The following IGSF1 variants were observed in gnomAD, a reference collection of about 807,000 sequenced individuals.
IGSF1 encodes immunoglobulin-like domain-containing protein 1.
IGSF1 carries 40 observed loss-of-function variants against 95.3 expected under a neutral mutation model. That is an observed-to-expected ratio of 0.42 (90% CI 0.33 to 0.55). The LOEUF (loss-of-function observed/expected upper bound fraction) is 0.55, where lower values mean the gene tolerates loss of function less well. Among genes scored for constraint, IGSF1 ranks in the 20% least tolerant of loss-of-function variants. IGSF1 has a pLI of 0.10. For synonymous variants in IGSF1, 372 were observed against 382.9 expected (o/e 0.97, Z 0.33); for missense variants, 906 against 1,025.4 (o/e 0.88, Z 1.59).
chrX:131,280,483 T>C (rs1291393063), intron 9 of IGSF1, among the ~76,000 whole-genome samples: 3 of 112,041 alleles, frequency 2.7e-5, no homozygotes, highest in Non-Finnish European at 5.6e-5. Context: ...CTAACATCCC[T>C]ACTGGGTCAG....
chrX:131,280,662 G>A (rs187602834), intron 9 of IGSF1, among the ~76,000 whole-genome samples: 61 of 112,056 alleles, frequency 5.4e-4, no homozygotes, highest in African/African-American at 1.5e-3. Context: ...CTGTTGCCCC[G>A]TCCAATATCA....
intron 3 of IGSF1, 21 bp downstream of exon 3, chrX:131,286,416 G>A (rs1034750816): frequency 1.7e-6 from 2 of 1,175,238 alleles, no homozygotes; most frequent in African/African-American, 3.5e-5. Flanking sequence ...GGAGGTGCCT[G>A]AGAGGGCAGG....
Position 131,276,921 on chromosome X carries a change from G to A in IGSF1, c.2608+18C>T, listed in dbSNP as rs1402413601. On this transcript the variant is annotated intron_variant, in intron 14 of 19. Coordinates refer to ENST00000361420, the MANE Select transcript of IGSF1 (RefSeq NM_001555.5). ...CCCAGGGTTGGCACCACCTCTACCT[G>A]GAGTCCCCCCTCCTAACCTGTCACC... 8.3e-7 allele frequency: 1 copy of A among 1,200,267 alleles called. No homozygotes were observed. Among genetic ancestry groups the A allele is most frequent in the African/African-American group, 1.8e-5 (1 of 56,783 alleles).
Position 131,275,717 on chromosome X carries a change from G to A in IGSF1, c.2945C>T (p.Pro982Leu). Residue 982 changes from proline to leucine, a missense_variant, in exon 16 of 20, where the codon CCC becomes CTC. Physicochemically the swap from Pro to Leu is moderately conservative, Grantham distance 98 (BLOSUM62 -3). Around this residue, in one of 5 missense-constraint regions of IGSF1, gnomAD observed 411 missense variants for 494.9 expected, o/e 0.83. Transcript: ENST00000361420. ...CCAGAGAGTAACATTCTGCCCCATG[G>A]GAACCACAGAACTGGGCTCAGCAAA... is the stretch of plus-strand genomic sequence containing the variant. ...WLFAEPSSVV[P>L]MGQNVTLWCR... is the part of the protein sequence containing the mutation. 1.7e-6 allele frequency: 2 copies of A among 1,211,521 alleles called. No individual in the cohort carries two copies. The highest frequency in any genetic ancestry group is 2.2e-6 in the Non-Finnish European group (2 of 895,195).
At chrX:131,274,550 G>C in intron 18 of IGSF1, 49 bp downstream of exon 18, 11 of 1,154,343 alleles carry the variant, frequency 9.5e-6, no homozygotes, top group Non-Finnish European at 1.3e-5. Context: ...GACTGTCCCT[G>C]GGATCCCAGG....
chrX:131,277,425 C>A, intron 13 of IGSF1, 199 bp from the exon 14 acceptor site: 1 of 428,831 alleles, frequency 2.3e-6, no homozygotes, highest in Non-Finnish European at 4.0e-6. Context: ...AACCCCACCC[C>A]TCACTACCTC....
In IGSF1 at chrX:131,281,911, G is replaced by C. The variant is rs372021690; in HGVS notation, c.1280C>G (p.Pro427Arg). Reference sequence around the variant, plus strand: ...CTTTCCTAGCTTGAACACAGTGCTTGGCCAAGCTGACAGGGAGGGTTTGGG... The same window carrying C: ...CTTTCCTAGCTTGAACACAGTGCTTCGCCAAGCTGACAGGGAGGGTTTGGG... ...KPPKPSLSAWPSTVFKLGKAI... is the reference protein window; with the variant it reads ...KPPKPSLSAWRSTVFKLGKAI... The change falls in exon 8 of 20, where the codon CCA becomes CGA. Residue 427 changes from proline (P) to arginine (R), a missense_variant. Around this residue, in one of 5 missense-constraint regions of IGSF1, gnomAD observed 442 missense variants for 448.1 expected, o/e 0.99. Transcript: ENST00000361420. 7.5e-5 allele frequency: 90 copies of C among 1,206,519 alleles called. No homozygotes were observed. The highest frequency in any genetic ancestry group is 4.6e-4 in the Middle Eastern group (2 of 4,358).
At position 131,275,197 on chromosome X, in the gene IGSF1, G is replaced by A; in HGVS notation, c.3274C>T (p.Pro1092Ser). 8.3e-7 allele frequency: 1 copy of A among 1,211,480 alleles called. No individual in the cohort carries two copies. Among genetic ancestry groups the A allele is most frequent in the East Asian group, 3.0e-5 (1 of 33,832 alleles). The change falls in exon 17 of 20, where the codon CCA becomes TCA. Residue 1092 changes from proline (P) to serine (S), a missense_variant. Pro to Ser is a moderately conservative substitution (Grantham distance 74). This residue lies in a region of IGSF1 where 411 missense variants were observed against 494.9 expected (regional missense o/e 0.83). Coordinates refer to ENST00000361420, the MANE Select transcript of IGSF1 (RefSeq NM_001555.5). ...TTCAACAGGACAAATGTTGAGTCTG[G>A]CAGTTCCCCTTGACACTGAAGAGTC... Reference protein sequence around the residue: ...NMTLQCQGELPDSTFVLLKEG... With the variant: ...NMTLQCQGELSDSTFVLLKEG...
rs2080621448 is a variant in IGSF1 at position 131,285,427 on chromosome X, G to A, written c.419C>T (p.Thr140Ile). 1.7e-6 allele frequency: 2 copies of A among 1,205,855 alleles called. No homozygotes were observed. The highest frequency in any genetic ancestry group is 1.1e-6 in the Non-Finnish European group (1 of 892,295). The change falls in exon 5 of 20, where the codon ACC becomes ATC. Residue 140 changes from threonine to isoleucine, a missense_variant. Thr to Ile is a moderately conservative substitution (Grantham distance 89). Transcript: ENST00000361420. The part of the protein sequence containing the change: ...PKPIFWIQAE[T>I]PALPGCNVNI... ...AACATTACACCCAGGAAGAGCGGGG[G>A]TCTCAGCCTGAATCCAGAAGATGGG... is the stretch of plus-strand genomic sequence containing the variant.
At chrX:131,276,347 T>C (rs2080474229) in intron 14 of IGSF1, 99 bp from the exon 15 acceptor site, 1 of 695,974 alleles carries the variant, frequency 1.4e-6, no homozygotes, top group African/African-American at 2.3e-5. Context: ...ATGTTTGTTG[T>C]TAAAAATTAG....
At chrX:131,279,055 G>GC in intron 11 of IGSF1, 88 bp downstream of exon 11, 1 of 980,007 alleles carries the variant, frequency 1.0e-6, no homozygotes, top group Non-Finnish European at 1.5e-6. Flanking sequence ...CTCCCAACCA[G>GC]CCACTCCCTG....
Position 131,286,617 on chromosome X carries a change from G to A in IGSF1, c.58C>T (p.Leu20Phe). The change falls in exon 2 of 20, where the codon CTC becomes TTC. Residue 20 changes from leucine to phenylalanine, a missense_variant. Physicochemically the swap from Leu to Phe is conservative, Grantham distance 22. Transcript: ENST00000361420. ...TCCTTGTACTCACGAATGCAAAAGA[G>A]CAAAACAGTGAATGTCTTCAGCATG... ...ATMLKTFTVL[L>F]FCIRMSLGMT... 3 of 1,207,323 alleles carry A rather than the reference G, an allele frequency of 2.5e-6. No individual in the cohort carries two copies. The highest frequency in any genetic ancestry group is 3.4e-6 in the Non-Finnish European group (3 of 893,577).
chrX:131,284,830 T>C (rs1052636012), intron 5 of IGSF1: 1 of 894,842 alleles, frequency 1.1e-6, no homozygotes, highest in Admixed American at 6.0e-5. Flanking sequence ...ATTTATAAGA[T>C]TGCAGTGGCA....
chrX:131,278,374 G>C (rs1190478526), intron 12 of IGSF1, 87 bp downstream of exon 12: 1 of 928,852 alleles, frequency 1.1e-6, no homozygotes. Context: ...CAGGGTCCCT[G>C]TGAGTTCATT....
intron 18 of IGSF1, 55 bp downstream of exon 18, chrX:131,274,544 G>A: frequency 1.8e-6 from 2 of 1,137,802 alleles, no homozygotes; most frequent in African/African-American, 1.8e-5. Flanking sequence ...CATGGGGACT[G>A]TCCCTGGGAT....
In IGSF1 at chrX:131,286,065, T is replaced by C; in HGVS notation, c.98-17A>G. 8.5e-7 allele frequency: 1 copy of C among 1,173,827 alleles called. No homozygotes were observed. The highest frequency in any genetic ancestry group is 1.9e-5 in the South Asian group (1 of 51,784). ...GGTCCATCACTGTTATTCCCAAAGA[T>C]CAAAAAGATATGAGCAGTCCAACCC... On this transcript the variant is annotated splice_polypyrimidine_tract_variant and intron_variant, in intron 3 of 19. Transcript: ENST00000361420.
At position 131,278,071 on chromosome X, in the gene IGSF1, C is replaced by T. The variant is rs372128043; in HGVS notation, c.2105G>A (p.Arg702Gln). Residue 702 changes from arginine (R) to glutamine (Q), a missense_variant, in exon 13 of 20, where the codon CGG (arginine) becomes CAG (glutamine). Transcript: ENST00000361420. ...PTIRGQELQL[R>Q]CKGWLAGMGF... ...CATGCCTGCCAGCCATCCTTTGCAC[C>T]GGAGTTGTAGTTCCTGGCCCCGGAT... The T allele has an allele frequency of 1.9e-5, 23 of 1,209,264 alleles. No homozygotes were observed. Among genetic ancestry groups the T allele is most frequent in the East Asian group, 1.5e-4 (5 of 33,773 alleles).
rs758082229 is a variant in IGSF1, at chrX:131,285,066, C to A, written c.667+113G>T. ...CTTCAAACGACTGTAGCTCATGGGGCCTTGCAGGGCCTAGAAACTGGCTGA... is the reference window on the plus strand; with the variant it reads ...CTTCAAACGACTGTAGCTCATGGGGACTTGCAGGGCCTAGAAACTGGCTGA... On this transcript the variant is annotated intron_variant, in intron 5 of 19. Transcript: ENST00000361420. 3.5e-4 allele frequency: 383 copies of A among 1,101,167 alleles called. 7 individuals are homozygous for A. In the East Asian group the frequency reaches 0.012, roughly 34 times the overall value. 90.7% of individuals were successfully genotyped at this position (1,101,167 alleles called of 1,213,427 possible).
chrX:131,279,211 C>T (rs2080519306), intron 10 of IGSF1, 36 bp from the exon 11 acceptor site: 1 of 1,210,382 alleles, frequency 8.3e-7, no homozygotes, highest in Non-Finnish European at 1.1e-6. Flanking sequence ...TCGGCCCCCT[C>T]CCCCACCGGG....
Sources: gnomAD v4.1 joint callset for allele counts (sites outside exome capture counted in the v4.1 genomes callset) on GRCh38, gnomAD v4.1.1 for gene constraint, gnomAD v4.1.1 regional missense constraint, MANE v1.5 for transcripts, NCBI Gene and HGNC (gene_info 2026-07-23, HGNC 2026-07-21) for gene names.